Variants in LRRC69 observed in about 807,000 individuals in gnomAD.
LRRC69 encodes leucine-rich repeat-containing protein 69.
LRRC69 carries 42 observed loss-of-function variants against 37.8 expected under a neutral mutation model. The observed-to-expected ratio is 1.11, with a 90% CI of 0.87 to 1.44. The LOEUF is 1.44. LRRC69 is among the 40% of genes most tolerant of loss of function. LRRC69 has a pLI of 0.00. For missense variants in LRRC69, 357 were observed against 401.9 expected (o/e 0.89, Z 0.96); for synonymous variants, 141 against 143.1 (o/e 0.99, Z 0.11).
chr8:91,152,493 GT>G (rs1371252078), intron 5 of LRRC69, among the ~76,000 whole-genome samples: 1 of 151,610 alleles, frequency 6.6e-6, no homozygotes, highest in East Asian at 1.9e-4. Flanking sequence ...CTAAGTGTCT[GT>G]TTTGTTACCA....
chr8:91,194,340 A>G (rs1253148311), intron 6 of LRRC69, among the ~76,000 whole-genome samples: 1 of 151,206 alleles, frequency 6.6e-6, no homozygotes, highest in African/African-American at 2.5e-5. Flanking sequence ...AGGCTTTGGT[A>G]TCAGAATGAT....
chr8:91,219,215 G>A (rs537761533), downstream of LRRC69: 86 of 350,152 alleles, frequency 2.5e-4, 1 homozygote, highest in Admixed American at 3.8e-3. Context: ...GCTTAAAAAA[G>A]TACAAAAAAA....
chr8:91,127,255 T>C, intron 3 of LRRC69, 95 bp downstream of exon 3: 1 of 915,926 alleles, frequency 1.1e-6, no homozygotes, highest in Non-Finnish European at 1.7e-6. Flanking sequence ...CATAAGTCCC[T>C]GTGAGATTTA....
At chr8:91,167,399 G>T (rs941700140) in intron 5 of LRRC69, among the ~76,000 whole-genome samples, 1 of 151,472 alleles carries the variant, frequency 6.6e-6, no homozygotes, top group Admixed American at 6.6e-5. Flanking sequence ...GGAAAGACCC[G>T]CCCCTATGAT....
At chr8:91,103,670 C>A (rs953169386) in intron 1 of LRRC69, among the ~76,000 whole-genome samples, 7 of 152,036 alleles carry the variant, frequency 4.6e-5, no homozygotes, top group African/African-American at 1.4e-4. Context: ...TACTTTCACC[C>A]TACCTCATTT....
At chr8:91,155,356 T>G (rs1459244571) in intron 5 of LRRC69, among the ~76,000 whole-genome samples, 2 of 150,474 alleles carry the variant, frequency 1.3e-5, no homozygotes, top group African/African-American at 2.4e-5. Flanking sequence ...CAACACATAA[T>G]AATTGTACAT....
intron 7 of LRRC69, among the ~76,000 whole-genome samples, chr8:91,215,962 A>G (rs1168781664): frequency 6.6e-6 from 1 of 152,212 alleles, no homozygotes; most frequent in African/African-American, 2.4e-5. Flanking sequence ...TGGTACGAGA[A>G]TTTCATGTTA....
chr8:91,102,646 C>A, upstream of LRRC69: 1 of 1,540,428 alleles, frequency 6.5e-7, no homozygotes, highest in Non-Finnish European at 8.8e-7. Flanking sequence ...TTGTTTTCTA[C>A]TTCTTTTCCA....
chr8:91,118,456 G>C (rs1313544330), intron 1 of LRRC69: 1 of 324,134 alleles, frequency 3.1e-6, no homozygotes. Context: ...TTCAACCCAG[G>C]AGGCAGAGGT....
intron 5 of LRRC69, among the ~76,000 whole-genome samples, chr8:91,153,933 T>A (rs193141949): frequency 6.6e-6 from 1 of 151,878 alleles, no homozygotes; most frequent in Admixed American, 6.6e-5. Context: ...AGGAGCTGGT[T>A]TTTTGAAAAA....
intron 7 of LRRC69, among the ~76,000 whole-genome samples, chr8:91,212,320 G>A (rs1377509559): frequency 6.6e-6 from 1 of 151,992 alleles, no homozygotes; most frequent in Non-Finnish European, 1.5e-5. Flanking sequence ...ATTTCTTATA[G>A]TTTCGTTAGT....
intron 5 of LRRC69, among the ~76,000 whole-genome samples, chr8:91,152,033 A>G (rs957232582): frequency 6.6e-6 from 1 of 151,666 alleles, no homozygotes; most frequent in Admixed American, 6.6e-5. Flanking sequence ...AATTCTGAAT[A>G]TTAGACCTTT....
intron 7 of LRRC69, among the ~76,000 whole-genome samples, chr8:91,214,948 C>G (rs1810012669): frequency 6.6e-6 from 1 of 152,004 alleles, no homozygotes; most frequent in Non-Finnish European, 1.5e-5. Context: ...CTTCTAGAGG[C>G]TCCCCATATC....
At chr8:91,203,862 G>A (rs973018092) in intron 7 of LRRC69, among the ~76,000 whole-genome samples, 5 of 151,780 alleles carry the variant, frequency 3.3e-5, no homozygotes, top group Non-Finnish European at 7.4e-5. Flanking sequence ...GCTCACGCCT[G>A]TAATCCCAGC....
intron 7 of LRRC69, among the ~76,000 whole-genome samples, chr8:91,212,912 G>C (rs1809959724): frequency 6.6e-6 from 1 of 152,140 alleles, no homozygotes; most frequent in Non-Finnish European, 1.5e-5. Context: ...CTCATACACT[G>C]TGTCTTGATT....
chr8:91,182,332 A>G (rs1419855559), intron 5 of LRRC69, among the ~76,000 whole-genome samples: 1 of 152,172 alleles, frequency 6.6e-6, no homozygotes. Context: ...TGTAAACATC[A>G]TTAAATTTAT....
intron 3 of LRRC69, 124 bp downstream of exon 3, chr8:91,127,284 C>A: frequency 1.5e-6 from 1 of 656,578 alleles, no homozygotes; most frequent in Non-Finnish European, 2.5e-6. Flanking sequence ...AAAGAGGGAT[C>A]TGAAGGACTG....
chr8:91,216,796 A>C (rs1374640787), intron 7 of LRRC69, among the ~76,000 whole-genome samples: 7 of 152,140 alleles, frequency 4.6e-5, no homozygotes, highest in Non-Finnish European at 8.8e-5. Context: ...AATACTTATG[A>C]AATCTTTTTA....
intron 1 of LRRC69, among the ~76,000 whole-genome samples, chr8:91,120,769 C>T (rs1197242847): frequency 6.6e-6 from 1 of 152,082 alleles, no homozygotes; most frequent in African/African-American, 2.4e-5. Flanking sequence ...CCTTCTACTT[C>T]AGCCACTCCT....
Sources: allele counts gnomAD v4.1 joint callset (sites outside exome capture counted in the v4.1 genomes callset), GRCh38; gene constraint gnomAD v4.1.1; transcripts MANE v1.5; gene names NCBI Gene and HGNC (gene_info 2026-07-23, HGNC 2026-07-21).